SLCO1B3: variants seen among roughly 807,000 people sequenced by gnomAD.
SLCO1B3 encodes solute carrier organic anion transporter family member 1B3, also known as liver-specific organic anion transporter 2.
Under a neutral mutation model 71.8 loss-of-function variants are expected in SLCO1B3, and 72 were observed. The ratio of observed to expected loss-of-function variants is 1.00; its 90% CI spans 0.83 to 1.22. The LOEUF is 1.22. Ranked by LOEUF, SLCO1B3 falls within the 50% of genes most tolerant of loss-of-function variation. The pLI is 0.00. For missense variants in SLCO1B3, 911 were observed against 819.7 expected, an observed-to-expected ratio of 1.11 and a Z score of -1.36; for synonymous variants, 298 against 278.4, an observed-to-expected ratio of 1.07 and a Z score of -0.70.
intron 4 of SLCO1B3, 60 bp downstream of exon 4, chr12:20,855,229 C>G (rs1031671934): frequency 7.1e-7 from 1 of 1,408,742 alleles, no homozygotes; most frequent in African/African-American, 1.4e-5. Context: ...ACAAACTGTT[C>G]ATGCATGCTT....
At chr12:20,914,132 A>G (rs1411733089) in intron 15 of SLCO1B3, among the ~76,000 whole-genome samples, 1 of 152,144 alleles carries the variant, frequency 6.6e-6, no homozygotes, top group Non-Finnish European at 1.5e-5. Flanking sequence ...TAATTGAAAG[A>G]ATACTGACGA....
chr12:20,858,292 AG>A, intron 4 of SLCO1B3, 146 bp from the exon 5 acceptor site: 1 of 595,038 alleles, frequency 1.7e-6, no homozygotes, highest in South Asian at 2.3e-5. Context: ...GGTTTAATGT[AG>A]GAGAGTTTAC....
intron 3 of SLCO1B3, among the ~76,000 whole-genome samples, chr12:20,825,250 A>G (rs1864397130): frequency 6.6e-6 from 1 of 152,152 alleles, no homozygotes; most frequent in African/African-American, 2.4e-5. Flanking sequence ...TGTGTAATTT[A>G]TATGGAAACT....
intron 8 of SLCO1B3, among the ~76,000 whole-genome samples, chr12:20,871,891 T>A (rs1247807312): frequency 1.3e-5 from 2 of 152,030 alleles, no homozygotes; most frequent in East Asian, 3.9e-4. Flanking sequence ...GGCTACCATC[T>A]ATGTTAACTC....
chr12:20,882,707 T>G (rs1045962933), intron 12 of SLCO1B3, among the ~76,000 whole-genome samples: 2 of 152,116 alleles, frequency 1.3e-5, no homozygotes, highest in African/African-American at 4.8e-5. Flanking sequence ...CCTGGCCAAT[T>G]CTTTTACAAG....
chr12:20,896,271 G>T (rs1486310047), intron 13 of SLCO1B3, among the ~76,000 whole-genome samples: 1 of 152,138 alleles, frequency 6.6e-6, no homozygotes, highest in Admixed American at 6.5e-5. Context: ...AGAAAATGGG[G>T]TTTTCTTTTC....
chr12:20,893,727 T>C (rs1865949072), intron 13 of SLCO1B3, among the ~76,000 whole-genome samples: 2 of 151,972 alleles, frequency 1.3e-5, no homozygotes, highest in African/African-American at 4.8e-5. Flanking sequence ...GTTTGAGTAA[T>C]GGAAAAAGAG....
intron 3 of SLCO1B3, among the ~76,000 whole-genome samples, chr12:20,822,095 G>A (rs1273480402): frequency 9.8e-5 from 15 of 152,316 alleles, no homozygotes; most frequent in South Asian, 2.1e-4. Flanking sequence ...ACCTGAGGTC[G>A]TAGATGGATC....
intron 3 of SLCO1B3, among the ~76,000 whole-genome samples, chr12:20,834,613 G>C (rs577425604): frequency 8.6e-5 from 13 of 151,910 alleles, no homozygotes; most frequent in African/African-American, 3.1e-4. Context: ...TTGATTCACT[G>C]TTCTCTCTGG....
intron 3 of SLCO1B3, among the ~76,000 whole-genome samples, chr12:20,821,209 GC>G (rs1235525141): frequency 6.6e-6 from 1 of 152,140 alleles, no homozygotes; most frequent in Non-Finnish European, 1.5e-5. Context: ...GTAAAAGAAT[GC>G]CTGGACATCA....
At chr12:20,850,810 A>G (rs1865014121) in intron 3 of SLCO1B3, among the ~76,000 whole-genome samples, 1 of 152,252 alleles carries the variant, frequency 6.6e-6, no homozygotes, top group Non-Finnish European at 1.5e-5. Flanking sequence ...CACCAGCTTC[A>G]TCCATGTTGC....
intron 15 of SLCO1B3, among the ~76,000 whole-genome samples, chr12:20,911,802 T>A (rs1866382646): frequency 6.6e-6 from 1 of 152,170 alleles, no homozygotes; most frequent in Non-Finnish European, 1.5e-5. Context: ...ATTTCTGATA[T>A]TAGTAAATCG....
At chr12:20,880,811 T>A (rs769670554) in intron 11 of SLCO1B3, 44 bp from the exon 12 acceptor site, 1 of 1,398,968 alleles carries the variant, frequency 7.1e-7, no homozygotes, top group African/African-American at 1.5e-5. Flanking sequence ...TTTCTCTACT[T>A]CCTCTTTCTC....
chr12:20,856,454 A>C (rs1351667029), intron 4 of SLCO1B3, among the ~76,000 whole-genome samples: 1 of 152,238 alleles, frequency 6.6e-6, no homozygotes, highest in Non-Finnish European at 1.5e-5. Flanking sequence ...AATAGCAACT[A>C]TTTACATAGT....
chr12:20,829,753 GT>G (rs1864500841), intron 3 of SLCO1B3, among the ~76,000 whole-genome samples: 1 of 152,144 alleles, frequency 6.6e-6, no homozygotes, highest in Non-Finnish European at 1.5e-5. Flanking sequence ...AGGGCTGCTG[GT>G]TACCCATTTT....
intron 8 of SLCO1B3, among the ~76,000 whole-genome samples, chr12:20,870,400 T>C (rs546346670): frequency 2.0e-5 from 3 of 152,268 alleles, no homozygotes; most frequent in Admixed American, 6.5e-5. Flanking sequence ...TCCATGAAAT[T>C]ATTGTCAAGA....
chr12:20,818,168 T>G (rs1008877955), intron 3 of SLCO1B3, among the ~76,000 whole-genome samples: 1 of 152,130 alleles, frequency 6.6e-6, no homozygotes, highest in African/African-American at 2.4e-5. Flanking sequence ...CCTTGTAGCA[T>G]TCTGAGGACA....
chr12:20,905,732 A>G (rs1866231123), intron 15 of SLCO1B3, among the ~76,000 whole-genome samples: 1 of 152,214 alleles, frequency 6.6e-6, no homozygotes, highest in Non-Finnish European at 1.5e-5. Flanking sequence ...TATCACTAGC[A>G]GCATTTTGGT....
At chr12:20,890,314 T>G (rs1369383617) in intron 13 of SLCO1B3, among the ~76,000 whole-genome samples, 2 of 152,198 alleles carry the variant, frequency 1.3e-5, no homozygotes, top group African/African-American at 2.4e-5. Flanking sequence ...TTGTGTAGTA[T>G]TGAGAATTCT....
Sources: allele counts gnomAD v4.1 joint callset (sites outside exome capture counted in the v4.1 genomes callset), GRCh38; gene constraint gnomAD v4.1.1; transcripts MANE v1.5; gene names NCBI Gene and HGNC (gene_info 2026-07-23, HGNC 2026-07-21).